PUM1: variants seen among roughly 807,000 people sequenced by gnomAD.
PUM1 encodes pumilio homolog 1.
Under a neutral mutation model 131.8 loss-of-function variants are expected in PUM1, and 13 were observed. The ratio of observed to expected loss-of-function variants is 0.10; its 90% CI spans 0.06 to 0.16. The LOEUF (loss-of-function observed/expected upper bound fraction) is 0.16, where lower values mean the gene tolerates loss of function less well. Ranked by LOEUF, PUM1 falls within the 10% of genes least tolerant of loss-of-function variation. The pLI, the probability that PUM1 is intolerant of heterozygous loss-of-function variation, is 1.00. For synonymous variants in PUM1, 509 were observed against 556.5 expected (o/e 0.91, Z 1.20); for missense variants, 961 against 1,512.4 (o/e 0.64, Z 6.05).
At chr1:31,003,485 G>A (rs1330247754) in intron 5 of PUM1, among the ~76,000 whole-genome samples, 1 of 152,106 alleles carries the variant, frequency 6.6e-6, no homozygotes, top group Non-Finnish European at 1.5e-5. Context: ...GGCCGGGCGC[G>A]GTGGCTCACG....
intron 10 of PUM1, among the ~76,000 whole-genome samples, chr1:30,972,052 C>T (rs1204353467): frequency 6.6e-6 from 1 of 151,300 alleles, no homozygotes; most frequent in East Asian, 2.0e-4. Flanking sequence ...GTCAGGAGTT[C>T]GAGATCAGCC....
At chr1:31,053,462 G>T (rs1218809835) in intron 2 of PUM1, among the ~76,000 whole-genome samples, 4 of 146,444 alleles carry the variant, frequency 2.7e-5, no homozygotes, top group Admixed American at 1.4e-4. Context: ...TGTAATCCCA[G>T]CACTTTGGGA....
intron 3 of PUM1, among the ~76,000 whole-genome samples, chr1:31,023,923 T>TAAA (rs1643126927): frequency 1.6e-5 from 1 of 60,996 alleles, no homozygotes. Flanking sequence ...AGACTCTGTC[T>TAAA]CAAAAAAAAA....
chr1:31,011,925 A>T (rs1411127810), intron 3 of PUM1, among the ~76,000 whole-genome samples: 1 of 149,702 alleles, frequency 6.7e-6, no homozygotes, highest in Non-Finnish European at 1.5e-5. Context: ...TTGGTCCAAC[A>T]AAAGCAAAAG....
intron 17 of PUM1, among the ~76,000 whole-genome samples, chr1:30,949,746 G>A (rs562848940): frequency 7.9e-4 from 121 of 152,318 alleles, no homozygotes; most frequent in African/African-American, 2.8e-3. Context: ...TTGGTGGGAT[G>A]AAAGAACAGG....
chr1:31,036,210 C>T (rs919673780), intron 2 of PUM1, among the ~76,000 whole-genome samples: 1 of 152,066 alleles, frequency 6.6e-6, no homozygotes, highest in Non-Finnish European at 1.5e-5. Context: ...GCTGGGACTA[C>T]GAGTGCGTGC....
intron 10 of PUM1, 74 bp from the exon 11 acceptor site, chr1:30,968,566 G>T (rs1016629159): frequency 2.7e-5 from 40 of 1,488,048 alleles, no homozygotes; most frequent in Non-Finnish European, 6.3e-6. Context: ...CTCAGGTTGG[G>T]TCAACTTTTA....
intron 2 of PUM1, among the ~76,000 whole-genome samples, chr1:31,048,230 C>T (rs1644016652): frequency 6.6e-6 from 1 of 151,230 alleles, no homozygotes; most frequent in African/African-American, 2.4e-5. Flanking sequence ...CAGAACGAGA[C>T]TGTCTCAAAA....
chr1:31,026,322 G>A (rs534162060), intron 3 of PUM1, among the ~76,000 whole-genome samples: 8 of 150,832 alleles, frequency 5.3e-5, no homozygotes, highest in African/African-American at 1.7e-4. Flanking sequence ...CTGTTCTCCC[G>A]TTGCTGCAAA....
At chr1:30,967,044 C>A in intron 12 of PUM1, 123 bp downstream of exon 12, 9 of 1,087,256 alleles carry the variant, frequency 8.3e-6, no homozygotes, top group African/African-American at 1.6e-5. Flanking sequence ...CTTTTTGAAA[C>A]ATTACAGGGT....
At chr1:31,042,172 G>A (rs904525367) in intron 2 of PUM1, among the ~76,000 whole-genome samples, 2 of 151,968 alleles carry the variant, frequency 1.3e-5, no homozygotes, top group Non-Finnish European at 2.9e-5. Flanking sequence ...CAAGCATGGT[G>A]GTGCATCCCT....
intron 17 of PUM1, 102 bp from the exon 18 acceptor site, chr1:30,945,585 C>A: frequency 1.6e-6 from 2 of 1,271,326 alleles, no homozygotes; most frequent in Admixed American, 2.1e-5. Flanking sequence ...AACAGAGAAT[C>A]TGTGATGATG....
intron 2 of PUM1, among the ~76,000 whole-genome samples, chr1:31,052,293 T>A (rs764791772): frequency 6.6e-6 from 1 of 152,214 alleles, no homozygotes; most frequent in African/African-American, 2.4e-5. Context: ...ATTACAGACA[T>A]GAGCCACCGT....
chr1:30,989,991 T>A (rs1346376021), intron 7 of PUM1, among the ~76,000 whole-genome samples: 2 of 152,228 alleles, frequency 1.3e-5, no homozygotes, highest in Non-Finnish European at 2.9e-5. Flanking sequence ...TATTAAGTTC[T>A]GATCCAAGAA....
chr1:30,936,890 G>A (rs1299957625), intron 20 of PUM1, 55 bp from the exon 21 acceptor site: 4 of 1,449,842 alleles, frequency 2.8e-6, no homozygotes, highest in African/African-American at 1.4e-5. Context: ...CTGTTAGTGA[G>A]GCTGTGCTTG....
At chr1:30,980,016 A>C in intron 9 of PUM1, 46 bp downstream of exon 9, 1 of 1,358,536 alleles carries the variant, frequency 7.4e-7, no homozygotes, top group South Asian at 1.3e-5. Context: ...ATCTCAAATG[A>C]CTTTTCAGCA....
chr1:30,937,488 G>C (rs1022121304), intron 20 of PUM1, among the ~76,000 whole-genome samples: 4 of 152,070 alleles, frequency 2.6e-5, no homozygotes, highest in African/African-American at 7.2e-5. Context: ...CTGAGCGACA[G>C]AGCAAGACTC....
chr1:30,982,091 T>C (rs1641379696), intron 7 of PUM1: 1 of 152,206 alleles, frequency 6.6e-6, no homozygotes, highest in East Asian at 1.9e-4. Context: ...CTATTCTTTA[T>C]ATGTTAAAAA....
rs771506897 is a variant in PUM1 at position 30,981,315 on chromosome 1, T to C, written c.1249A>G (p.Ile417Val). ...AGCTATGGGCTTAAGGACTTACCGA[T>C]GTGCGGCTGATGAGCAGCTGCCAGT... ...YALAAAHQPH[I>V]GLAPAAFVPN... The change falls in exon 8 of 22, where the codon ATC (isoleucine) becomes GTC (valine). Residue 417 changes from isoleucine to valine, a missense_variant. Ile to Val is a conservative substitution (Grantham distance 29). This residue lies in a region of PUM1 where 654 missense variants were observed against 923.9 expected (regional missense o/e 0.71). Coordinates refer to ENST00000426105, the MANE Select transcript of PUM1 (RefSeq NM_001020658.2). 20 of 1,589,120 alleles carry C rather than the reference T, an allele frequency of 1.3e-5. No individual in the cohort carries two copies. The highest frequency in any genetic ancestry group is 4.0e-5 in the African/African-American group (3 of 74,372).
Sources: gnomAD v4.1 joint callset for allele counts (sites outside exome capture counted in the v4.1 genomes callset) on GRCh38, gnomAD v4.1.1 for gene constraint, gnomAD v4.1.1 regional missense constraint, MANE v1.5 for transcripts, NCBI Gene and HGNC (gene_info 2026-07-23, HGNC 2026-07-21) for gene names.